Variants in GTF2A2 observed in about 807,000 individuals in gnomAD.
GTF2A2 encodes general transcription factor IIA subunit 2.
Under a neutral mutation model 14.3 loss-of-function variants are expected in GTF2A2, and 9 were observed. That is an observed-to-expected ratio of 0.63 (90% CI 0.38 to 1.10). The LOEUF is 1.10. GTF2A2 is among the 50% of genes least tolerant of loss of function. The pLI, the probability that GTF2A2 is intolerant of heterozygous loss-of-function variation, is 0.01. For synonymous variants in GTF2A2, 56 were observed against 46.0 expected (o/e 1.22, Z -0.88); for missense variants, 90 against 124.6 (o/e 0.72, Z 1.32).
intron 4 of GTF2A2, among the ~76,000 whole-genome samples, chr15:59,640,618 T>TAA (rs1162388924): frequency 3.9e-5 from 6 of 152,032 alleles, no homozygotes; most frequent in African/African-American, 1.4e-4. Flanking sequence ...ATGTCCGTGC[T>TAA]AAAAAAAAGT....
intron 3 of GTF2A2, among the ~76,000 whole-genome samples, chr15:59,646,029 G>C (rs751141679): frequency 2.7e-5 from 1 of 37,254 alleles, no homozygotes; most frequent in Non-Finnish European, 6.2e-5. Context: ...GTAAGGCTCC[G>C]CCTTAAAAAA....
intron 4 of GTF2A2, among the ~76,000 whole-genome samples, chr15:59,641,811 T>A (rs145272213): frequency 4.1e-4 from 63 of 152,308 alleles, no homozygotes; most frequent in African/African-American, 1.4e-3. Context: ...TTGTAAAAAT[T>A]ATTCCTTAAA....
chr15:59,643,664 C>A (rs1251111359), intron 3 of GTF2A2, among the ~76,000 whole-genome samples: 2 of 139,314 alleles, frequency 1.4e-5, no homozygotes, highest in Admixed American at 1.6e-4. Context: ...GGGGTGTAAT[C>A]TCAGCTCACT....
At chr15:59,640,710 TAATAAA>T (rs1218974191) in intron 4 of GTF2A2, among the ~76,000 whole-genome samples, 6 of 152,242 alleles carry the variant, frequency 3.9e-5, no homozygotes, top group South Asian at 2.1e-4. Context: ...TTCTACAGAC[TAATAAA>T]AATAAATATA....
intron 3 of GTF2A2, among the ~76,000 whole-genome samples, chr15:59,646,470 T>C (rs1360197248): frequency 6.6e-6 from 1 of 152,192 alleles, no homozygotes; most frequent in Non-Finnish European, 1.5e-5. Context: ...ATAGCTTAGC[T>C]TGCAGTAAAT....
At chr15:59,639,219 A>G in intron 4 of GTF2A2, 62 bp from the exon 5 acceptor site, 1 of 996,716 alleles carries the variant, frequency 1.0e-6, no homozygotes, top group Non-Finnish European at 1.6e-6. Flanking sequence ...TTTTACAATT[A>G]ACTATTTTAA....
chr15:59,639,464 ATT>A (rs10643204), intron 4 of GTF2A2, among the ~76,000 whole-genome samples: 6 of 142,626 alleles, frequency 4.2e-5, no homozygotes, highest in Admixed American at 7.1e-5. Context: ...ACTGTCCCAA[ATT>A]TTTTTTTTTT....
intron 4 of GTF2A2, among the ~76,000 whole-genome samples, chr15:59,639,597 G>C (rs1393450536): frequency 6.6e-6 from 1 of 151,164 alleles, no homozygotes; most frequent in African/African-American, 2.4e-5. Flanking sequence ...CGAGTAGCTG[G>C]GACTACAGGT....
chr15:59,638,900 CTTAGGAAGGCAACAACT>C lies in GTF2A2; in HGVS notation c.*215_*231del. 1 of 441,256 alleles carries C rather than the reference CTTAGGAAGGCAACAACT, an allele frequency of 2.3e-6. No homozygotes were observed. The highest frequency in any genetic ancestry group is 4.1e-6 in the Non-Finnish European group (1 of 243,822). The allele number at this position is 441,256 out of a possible 1,614,324, so 27.3% of individuals were successfully genotyped here. On this transcript the variant is annotated 3_prime_UTR_variant, in exon 5 of 5. Coordinates refer to ENST00000396060, the MANE Select transcript of GTF2A2 (RefSeq NM_004492.3). ...TAAAATGAGTTTATTAAAGAAGGTT[CTTAGGAAGGCAACAACT>C]TTTGTCCTTAAAAAAAAGTTATGGT...
chr15:59,646,672 C>G (rs1382390361), intron 3 of GTF2A2, among the ~76,000 whole-genome samples: 6 of 151,962 alleles, frequency 3.9e-5, no homozygotes, highest in Non-Finnish European at 7.4e-5. Context: ...TATTTTACCA[C>G]AAAAATAAAA....
intron 3 of GTF2A2, 21 bp downstream of exon 3, chr15:59,650,648 G>C: frequency 7.4e-7 from 1 of 1,346,784 alleles, no homozygotes; most frequent in Non-Finnish European, 1.1e-6. Context: ...CAGGCTTCTA[G>C]ATTCAGGAAA....
At chr15:59,645,417 G>C (rs1373968881) in intron 3 of GTF2A2, among the ~76,000 whole-genome samples, 3 of 152,096 alleles carry the variant, frequency 2.0e-5, no homozygotes, top group Non-Finnish European at 4.4e-5. Context: ...CAACAGGCCA[G>C]GGAATACGAG....
intron 1 of GTF2A2, among the ~76,000 whole-genome samples, chr15:59,656,389 C>T (rs1354075050): frequency 6.6e-6 from 1 of 151,988 alleles, no homozygotes; most frequent in African/African-American, 2.4e-5. Flanking sequence ...CCAGTTCCCA[C>T]CTCCACTCTG....
intron 3 of GTF2A2, among the ~76,000 whole-genome samples, chr15:59,648,080 A>G (rs1258393427): frequency 6.6e-6 from 1 of 152,166 alleles, no homozygotes; most frequent in African/African-American, 2.4e-5. Flanking sequence ...ATCTATGGGC[A>G]TATGTTCTCC....
intron 3 of GTF2A2, 67 bp from the exon 4 acceptor site, chr15:59,642,329 T>C (rs1359533775): frequency 1.4e-6 from 2 of 1,400,956 alleles, no homozygotes; most frequent in Admixed American, 4.4e-5. Flanking sequence ...TCCAAAGCAA[T>C]TTAAGAGATC....
chr15:59,643,401 T>C (rs1393040670), intron 3 of GTF2A2, among the ~76,000 whole-genome samples: 2 of 151,110 alleles, frequency 1.3e-5, no homozygotes, highest in Non-Finnish European at 1.5e-5. Context: ...TAAAAAGAAA[T>C]AGAGACAGGG....
At chr15:59,645,482 C>CA (rs1891573622) in intron 3 of GTF2A2, among the ~76,000 whole-genome samples, 3 of 152,098 alleles carry the variant, frequency 2.0e-5, no homozygotes, top group Non-Finnish European at 4.4e-5. Flanking sequence ...AAACAATCAT[C>CA]AATAGCACTA....
chr15:59,654,585 A>G (rs1891888922), intron 1 of GTF2A2, among the ~76,000 whole-genome samples: 1 of 152,216 alleles, frequency 6.6e-6, no homozygotes, highest in East Asian at 1.9e-4. Flanking sequence ...GAAGACAGGG[A>G]CTTCTGTTCA....
rs543291646 is a variant in GTF2A2 at position 59,641,822 on chromosome 15, G to C, written c.304+314C>G. On this transcript the variant is annotated intron_variant, in intron 4 of 4. Transcript: ENST00000396060. ...AGGATTGTAAAAATTATTCCTTAAA[G>C]TAAAAGGTGTCTGAAAAGCCTGATA... Among the ~76,000 whole-genome samples the C allele has an allele frequency of 2.0e-5, 3 of 152,276 alleles. No homozygotes were observed. In the South Asian group the frequency reaches 6.2e-4, roughly 32 times the overall value.
Sources: gnomAD v4.1 joint callset for allele counts (sites outside exome capture counted in the v4.1 genomes callset) on GRCh38, gnomAD v4.1.1 for gene constraint, MANE v1.5 for transcripts, NCBI Gene and HGNC (gene_info 2026-07-23, HGNC 2026-07-21) for gene names.